CACNA1C: variants seen among roughly 807,000 people sequenced by gnomAD.
CACNA1C encodes the protein calcium voltage-gated channel subunit alpha1 C, also known as voltage-dependent L-type calcium channel subunit alpha-1C.
In CACNA1C, 30 loss-of-function variants were observed where a neutral mutation model predicts 229.0. The observed-to-expected ratio is 0.13, with a 90% confidence interval of 0.10 to 0.18. The LOEUF is 0.18. Ranked by LOEUF, CACNA1C falls within the 10% of genes least tolerant of loss-of-function variation. The probability of loss-of-function intolerance (pLI) is 1.00; values close to 1 mark genes in which losing one functional copy is unlikely to be tolerated. For missense variants in CACNA1C, 1,658 were observed against 2,845.0 expected, an observed-to-expected ratio of 0.58 and a Z score of 9.49; for synonymous variants, 1,114 against 1,132.5, an observed-to-expected ratio of 0.98 and a Z score of 0.33.
rs1358611033 is a variant in CACNA1C, at chr12:1,971,096, G to C, written c.34G>C (p.Ala12Pro). ...AGCCTTTGTTCAGCCTGGTACGCCT[G>C]CATACCAGCCGCTTCCCAGCCACCT... Residue 12 changes from alanine to proline, a missense_variant, in exon 1 of 47, where the codon GCA becomes CCA. Physicochemically the swap from Ala to Pro is conservative, Grantham distance 27 (BLOSUM62 -1). Coordinates refer to the CACNA1C transcript ENST00000682462. The surrounding 1 kb of genome is among the most constrained non-coding windows in gnomAD (Gnocchi z 4.2). The C allele has an allele frequency of 1.6e-6, 2 of 1,289,366 alleles. No individual in the cohort carries two copies. The highest frequency in any genetic ancestry group is 3.0e-5 in the African/African-American group (2 of 65,828). 79.9% of individuals were successfully genotyped at this position (1,289,366 alleles called of 1,614,324 possible).
At chr12:2,374,346 T>C (rs2097963508) in intron 3 of CACNA1C, among the ~76,000 whole-genome samples, 1 of 152,278 alleles carries the variant, frequency 6.6e-6, no homozygotes, top group African/African-American at 2.4e-5. Context: ...TTTGCCATTT[T>C]CTGCTTTGGT....
At chr12:2,218,527 C>T (rs1340878912) in intron 3 of CACNA1C, among the ~76,000 whole-genome samples, 1 of 152,150 alleles carries the variant, frequency 6.6e-6, no homozygotes, top group Non-Finnish European at 1.5e-5. Context: ...GAAGCAGATG[C>T]ATTACCAAGA....
At chr12:2,107,252 C>A (rs1482668905) in intron 1 of CACNA1C, among the ~76,000 whole-genome samples, 1 of 148,560 alleles carries the variant, frequency 6.7e-6, no homozygotes, top group Non-Finnish European at 1.5e-5. Context: ...TGGGCGCCCA[C>A]CCTGGAGAGA....
In CACNA1C at chr12:2,053,399, G is replaced by C; in HGVS notation, c.-164G>C. 2 of 1,409,486 alleles carry C rather than the reference G, an allele frequency of 1.4e-6. No individual in the cohort carries two copies. The highest frequency in any genetic ancestry group is 3.3e-5 in the South Asian group (2 of 60,864). The allele number at this position is 1,409,486 out of a possible 1,614,324, so 87.3% of individuals were successfully genotyped here. A position where few individuals can be genotyped will look rare whatever the true frequency, so the allele number is the denominator to read the frequency against. Reference sequence around the variant, plus strand: ...GGTTTGATGCCATAATGGGAATCAGGTAATCGTCGGCGGGGAAGAAGAAAC... The same window carrying C: ...GGTTTGATGCCATAATGGGAATCAGCTAATCGTCGGCGGGGAAGAAGAAAC... On this transcript the variant is annotated 5_prime_UTR_variant, in exon 1 of 47. Transcript: ENST00000399655. This position sits in a 1 kb window ranked among gnomAD's most constrained non-coding sequence, Gnocchi z 5.8.
chr12:2,266,500 G>T (rs1421373622), intron 3 of CACNA1C, among the ~76,000 whole-genome samples: 6 of 152,232 alleles, frequency 3.9e-5, no homozygotes, highest in African/African-American at 1.4e-4. Context: ...CACTGCCAGG[G>T]CTGGCATGAT....
At chr12:2,663,899 GC>G (rs1569130190) in intron 34 of CACNA1C, among the ~76,000 whole-genome samples, 3 of 151,910 alleles carry the variant, frequency 2.0e-5, no homozygotes, top group African/African-American at 7.3e-5. Context: ...CCACCACCGC[GC>G]CCGGCTAATT....
At chr12:2,234,408 C>A (rs1262689637) in intron 3 of CACNA1C, among the ~76,000 whole-genome samples, 1 of 152,116 alleles carries the variant, frequency 6.6e-6, no homozygotes, top group Non-Finnish European at 1.5e-5. Flanking sequence ...ACTCTGTGGT[C>A]AAAAATGTGA....
chr12:2,013,695 T>C (rs1565924260), intron 1 of CACNA1C, among the ~76,000 whole-genome samples: 1 of 152,170 alleles, frequency 6.6e-6, no homozygotes, highest in Admixed American at 6.5e-5. Context: ...GTACCAGCCT[T>C]GTGGGCTGGA....
At chr12:2,600,961 T>A (rs1413638302) in intron 21 of CACNA1C, among the ~76,000 whole-genome samples, 2 of 152,190 alleles carry the variant, frequency 1.3e-5, no homozygotes, top group Non-Finnish European at 2.9e-5. Context: ...ATCCTCATTT[T>A]TCCAATGAGG....
At chr12:2,313,757 G>A (rs1021058935) in intron 3 of CACNA1C, among the ~76,000 whole-genome samples, 4 of 152,198 alleles carry the variant, frequency 2.6e-5, no homozygotes, top group Non-Finnish European at 5.9e-5. Flanking sequence ...CTTTCTTGGT[G>A]AAGCAGCATT....
chr12:2,011,006 CT>C (rs760278965), intron 1 of CACNA1C: 6 of 151,898 alleles, frequency 4.0e-5, no homozygotes, highest in Non-Finnish European at 7.4e-5. Flanking sequence ...AAAAAATTAG[CT>C]GGGCGTGGTG....
chr12:2,256,756 T>TA (rs950422244), intron 3 of CACNA1C, among the ~76,000 whole-genome samples: 5 of 151,902 alleles, frequency 3.3e-5, no homozygotes, highest in African/African-American at 9.7e-5. Flanking sequence ...CTAAAGAACT[T>TA]AAAAAAAATC....
chr12:2,254,200 C>T (rs914003351), intron 3 of CACNA1C, among the ~76,000 whole-genome samples: 1 of 152,152 alleles, frequency 6.6e-6, no homozygotes, highest in African/African-American at 2.4e-5. Flanking sequence ...GCTCACCACT[C>T]GAGAGCCCCT....
rs115020956 is a variant in CACNA1C, at chr12:2,498,637, G to A, written c.1113+5251G>A. ...CTAACTAAAGAGTTGCAGGACATGCGGAGGAACACAGCTGAGCCATGGGGG... is the reference window on the plus strand; with the variant it reads ...CTAACTAAAGAGTTGCAGGACATGCAGAGGAACACAGCTGAGCCATGGGGG... On this transcript the variant is annotated intron_variant, in intron 7 of 46. Coordinates refer to ENST00000399655, the MANE Select transcript of CACNA1C (RefSeq NM_000719.7). 1.8e-3 allele frequency among the ~76,000 whole-genome samples: 268 copies of A among 152,344 alleles called. 1 individual carries two copies. Among genetic ancestry groups the A allele is most frequent in the African/African-American group, 6.2e-3 (258 of 41,590 alleles).
Position 2,403,550 on chromosome 12 carries a change from A to G in CACNA1C, c.478-45426A>G, listed in dbSNP as rs2098702793. Among the ~76,000 whole-genome samples the G allele has an allele frequency of 5.3e-5, 8 of 152,092 alleles. No homozygotes were observed. The highest frequency in any genetic ancestry group is 3.3e-4 in the Admixed American group (5 of 15,280). ...TCCTTTCTTTTTTTAAAATTCTTTAATTAAACTTTTTTGATTAAGTGACAG... is the reference window on the plus strand; with the variant it reads ...TCCTTTCTTTTTTTAAAATTCTTTAGTTAAACTTTTTTGATTAAGTGACAG... On this transcript the variant is annotated intron_variant, in intron 3 of 46. Transcript: ENST00000399655. The surrounding 1 kb of genome is among the most constrained non-coding windows in gnomAD (Gnocchi z 4.1).
At chr12:1,986,049 G>A (rs1461622006) in intron 1 of CACNA1C, among the ~76,000 whole-genome samples, 6 of 152,170 alleles carry the variant, frequency 3.9e-5, no homozygotes, top group Admixed American at 1.3e-4. Flanking sequence ...TCCTGACCTC[G>A]TGATCTGCCC....
At chr12:2,455,566 T>G (rs992876024) in intron 4 of CACNA1C, among the ~76,000 whole-genome samples, 3 of 152,194 alleles carry the variant, frequency 2.0e-5, no homozygotes, top group Admixed American at 2.0e-4. Flanking sequence ...CCCACACTTG[T>G]GGCTTGCATC....
At chr12:2,370,500 TAA>T (rs2097839752) in intron 3 of CACNA1C, among the ~76,000 whole-genome samples, 1 of 152,234 alleles carries the variant, frequency 6.6e-6, no homozygotes, top group Non-Finnish European at 1.5e-5. Flanking sequence ...GATGAGCTAA[TAA>T]AACTTATGTT....
intron 3 of CACNA1C, among the ~76,000 whole-genome samples, chr12:2,297,567 C>T (rs927399125): frequency 2.0e-5 from 3 of 152,208 alleles, no homozygotes; most frequent in East Asian, 1.9e-4. Flanking sequence ...AGAAAGCAGA[C>T]GCCCAGGTGT....
Sources: allele counts gnomAD v4.1 joint callset (sites outside exome capture counted in the v4.1 genomes callset), GRCh38; gene constraint gnomAD v4.1.1; non-coding constraint Gnocchi (gnomAD v3.1); transcripts MANE v1.5; gene names NCBI Gene and HGNC (gene_info 2026-07-23, HGNC 2026-07-21).